SPHKAP: variants seen among roughly 807,000 people sequenced by gnomAD.
SPHKAP encodes A-kinase anchor protein SPHKAP.
Under a neutral mutation model 137.5 loss-of-function variants are expected in SPHKAP, and 67 were observed. That is an observed-to-expected ratio of 0.49 (90% CI 0.40 to 0.60). The LOEUF is 0.60. Ranked by LOEUF, SPHKAP falls within the 20% of genes least tolerant of loss-of-function variation. SPHKAP has a pLI of 0.00. For missense variants in SPHKAP, 2,097 were observed against 2,069.3 expected (o/e 1.01, Z -0.26); for synonymous variants, 813 against 785.3 (o/e 1.04, Z -0.59).
chr2:228,065,934 G>C (rs1696814674), intron 3 of SPHKAP, among the ~76,000 whole-genome samples: 1 of 152,126 alleles, frequency 6.6e-6, no homozygotes, highest in African/African-American at 2.4e-5. Flanking sequence ...ACCAGAAATG[G>C]TACTAGGTAA....
intron 7 of SPHKAP, among the ~76,000 whole-genome samples, chr2:228,002,719 T>C (rs573407985): frequency 6.6e-6 from 1 of 152,362 alleles, no homozygotes; most frequent in East Asian, 1.9e-4. Context: ...TGTAAGTCTT[T>C]AATCCATCTT....
intron 3 of SPHKAP, among the ~76,000 whole-genome samples, chr2:228,054,362 C>T (rs1300922033): frequency 6.6e-6 from 1 of 151,844 alleles, no homozygotes; most frequent in African/African-American, 2.4e-5. Flanking sequence ...AATGGAAGAG[C>T]AAAATTTAAG....
At chr2:228,030,952 A>G (rs1240786402) in intron 3 of SPHKAP, among the ~76,000 whole-genome samples, 1 of 152,188 alleles carries the variant, frequency 6.6e-6, no homozygotes, top group African/African-American at 2.4e-5. Flanking sequence ...TCCCAGTGTG[A>G]GCGATGCAGA....
intron 3 of SPHKAP, among the ~76,000 whole-genome samples, chr2:228,031,187 C>A (rs547618260): frequency 6.6e-6 from 1 of 151,930 alleles, no homozygotes; most frequent in South Asian, 2.1e-4. Flanking sequence ...GCTTTTCCAA[C>A]GGGCTTAAAA....
intron 1 of SPHKAP, chr2:228,132,612 T>A (rs778038537): frequency 4.6e-6 from 2 of 430,206 alleles, no homozygotes; most frequent in Non-Finnish European, 6.2e-6. Context: ...ATTCTCTATC[T>A]CCAAAATTAT....
At chr2:228,025,572 C>G in intron 4 of SPHKAP, 44 bp from the exon 5 acceptor site, 1 of 1,606,048 alleles carries the variant, frequency 6.2e-7, no homozygotes, top group African/African-American at 1.3e-5. Flanking sequence ...TTTCTTTTCA[C>G]CAAATACTAC....
intron 4 of SPHKAP, among the ~76,000 whole-genome samples, chr2:228,026,665 T>G (rs1333698025): frequency 6.6e-6 from 1 of 152,212 alleles, no homozygotes; most frequent in Non-Finnish European, 1.5e-5. Flanking sequence ...CAAATACAAT[T>G]GTATGTGTAA....
Position 228,071,987 on chromosome 2 carries a change from C to T in SPHKAP, c.246+36845G>A, listed in dbSNP as rs572287468. 3.0e-4 allele frequency among the ~76,000 whole-genome samples: 45 copies of T among 152,276 alleles called. No individual in the cohort carries two copies. In the South Asian group the frequency reaches 9.3e-3, roughly 32 times the overall value. Reference sequence around the variant, plus strand: ...GTGAGTATTTCTGGAAGAGACTAGCCATTGAATCAGGGGACTGAGCAGCAC... The same window carrying T: ...GTGAGTATTTCTGGAAGAGACTAGCTATTGAATCAGGGGACTGAGCAGCAC... On this transcript the variant is annotated intron_variant, in intron 3 of 11. Transcript: ENST00000392056.
At chr2:228,106,883 T>C (rs182323073) in intron 3 of SPHKAP, among the ~76,000 whole-genome samples, 3 of 152,224 alleles carry the variant, frequency 2.0e-5, no homozygotes, top group Non-Finnish European at 4.4e-5. Context: ...TAGTTTTTCA[T>C]AGGGACCCTG....
At chr2:228,118,139 T>G (rs1698774963) in intron 2 of SPHKAP, among the ~76,000 whole-genome samples, 1 of 151,990 alleles carries the variant, frequency 6.6e-6, no homozygotes, top group Admixed American at 6.6e-5. Context: ...TTTCTTTCTC[T>G]TAGCATAATG....
intron 1 of SPHKAP, 89 bp from the exon 2 acceptor site, chr2:228,132,174 T>C: frequency 9.1e-7 from 1 of 1,102,846 alleles, no homozygotes; most frequent in Non-Finnish European, 1.4e-6. Flanking sequence ...ACATGGTGTA[T>C]CAAAAATCAT....
intron 3 of SPHKAP, among the ~76,000 whole-genome samples, chr2:228,028,519 C>A (rs1296962946): frequency 6.6e-6 from 1 of 152,202 alleles, no homozygotes; most frequent in Non-Finnish European, 1.5e-5. Flanking sequence ...TGGTCAAGAA[C>A]TGATCACATA....
intron 3 of SPHKAP, among the ~76,000 whole-genome samples, chr2:228,036,456 A>G (rs78182650): frequency 0.38 from 58,183 of 152,092 alleles, 11,595 homozygotes; most frequent in South Asian, 0.51. Context: ...TAGTTCAACC[A>G]TTGTGGAAGA....
chr2:228,015,454 G>C (rs943185316), intron 7 of SPHKAP, among the ~76,000 whole-genome samples: 1 of 152,076 alleles, frequency 6.6e-6, no homozygotes. Context: ...GGATGGCTGG[G>C]TCAAATGGTA....
chr2:228,109,007 C>CTCT, intron 2 of SPHKAP, 68 bp from the exon 3 acceptor site: 4 of 719,318 alleles, frequency 5.6e-6, no homozygotes, highest in Non-Finnish European at 8.0e-6. Flanking sequence ...AGCTCTCTCT[C>CTCT]TTTTTTTTTT....
chr2:228,045,041 C>G (rs370720249), intron 3 of SPHKAP, among the ~76,000 whole-genome samples: 3 of 151,734 alleles, frequency 2.0e-5, no homozygotes, highest in Non-Finnish European at 4.4e-5. Context: ...ATCAAAACCA[C>G]GATGAGATAC....
intron 1 of SPHKAP, among the ~76,000 whole-genome samples, chr2:228,139,637 C>T (rs1011914827): frequency 4.5e-4 from 68 of 152,172 alleles, no homozygotes; most frequent in African/African-American, 1.5e-3. Flanking sequence ...AACTATAATC[C>T]TTCATTCCGA....
At chr2:228,116,416 G>C (rs181130716) in intron 2 of SPHKAP, among the ~76,000 whole-genome samples, 4 of 152,244 alleles carry the variant, frequency 2.6e-5, no homozygotes, top group African/African-American at 9.6e-5. Context: ...CCGAAAATGA[G>C]AGTGGTATTT....
chr2:228,007,233 C>A (rs1322521640), intron 7 of SPHKAP, among the ~76,000 whole-genome samples: 1 of 152,190 alleles, frequency 6.6e-6, no homozygotes, highest in Admixed American at 6.5e-5. Context: ...GGGTACGATA[C>A]AATAATTTGA....
Sources: gnomAD v4.1 joint callset for allele counts (sites outside exome capture counted in the v4.1 genomes callset) on GRCh38, gnomAD v4.1.1 for gene constraint, MANE v1.5 for transcripts, NCBI Gene and HGNC (gene_info 2026-07-23, HGNC 2026-07-21) for gene names.